The following C1QB variants were observed in gnomAD, a reference collection of about 807,000 sequenced individuals.
C1QB encodes complement C1q B chain.
C1QB carries 2 observed loss-of-function variants against 4.6 expected under a neutral mutation model. The ratio of observed to expected loss-of-function variants is 0.43; its 90% CI spans 0.18 to 1.36. C1QB has a LOEUF of 1.36. C1QB is among the 40% of genes most tolerant of loss of function. C1QB has a pLI of 0.28. For missense variants in C1QB, 292 were observed against 338.0 expected (o/e 0.86, Z 1.07); for synonymous variants, 132 against 137.1 (o/e 0.96, Z 0.26).
intron 1 of C1QB, among the ~76,000 whole-genome samples, chr1:22,659,213 G>A (rs1642579591): frequency 7.0e-6 from 1 of 143,238 alleles, no homozygotes; most frequent in African/African-American, 2.6e-5. Flanking sequence ...GAGGGATAGA[G>A]AGATGGATGG....
intron 1 of C1QB, among the ~76,000 whole-genome samples, chr1:22,656,973 C>A (rs565467441): frequency 2.0e-5 from 3 of 152,174 alleles, no homozygotes; most frequent in Admixed American, 2.0e-4. Flanking sequence ...AGGGAAGAGG[C>A]GTGCCACTGT....
At chr1:22,659,383 G>A (rs569351014) in intron 1 of C1QB, 57 bp from the exon 2 acceptor site, 1 of 1,470,924 alleles carries the variant, frequency 6.8e-7, no homozygotes, top group Non-Finnish European at 9.5e-7. Context: ...TGGATGGATG[G>A]ATGGATGGAT....
intron 2 of C1QB, among the ~76,000 whole-genome samples, chr1:22,660,587 C>T (rs1304468641): frequency 6.6e-6 from 1 of 152,114 alleles, no homozygotes; most frequent in Non-Finnish European, 1.5e-5. Flanking sequence ...TAGCAAGGAG[C>T]CATTCCCCTC....
chr1:22,659,161 G>A (rs1642577608), intron 1 of C1QB, among the ~76,000 whole-genome samples: 1 of 145,508 alleles, frequency 6.9e-6, no homozygotes, highest in African/African-American at 2.6e-5. Context: ...TGCAGATAGA[G>A]GGATAGAGAG....
intron 1 of C1QB, among the ~76,000 whole-genome samples, chr1:22,658,448 C>T (rs1225452808): frequency 6.6e-6 from 1 of 152,234 alleles, no homozygotes; most frequent in Non-Finnish European, 1.5e-5. Context: ...CACCTCCCAC[C>T]TCCAGCCCAG....
In C1QB at chr1:22,660,880, C is replaced by T. The variant is rs773232242; in HGVS notation, c.250C>T (p.Pro84Ser). 15 of 1,613,628 alleles carry T rather than the reference C, an allele frequency of 9.3e-6. No homozygotes were observed. The South Asian group carries it at 1.3e-4, about 14-fold the overall frequency. ...EKGDPGIPGN[P>S]GKVGPKGPMG... ...GGGAGACCCAGGGATTCCTGGGAAT[C>T]CAGGAAAAGTCGGCCCCAAGGGCCC... Residue 84 changes from proline to serine, a missense_variant, in exon 3 of 3, where the codon CCA (proline) becomes TCA (serine). Physicochemically the swap from Pro to Ser is moderately conservative, Grantham distance 74. Coordinates refer to ENST00000509305, the MANE Select transcript of C1QB (RefSeq NM_001378156.1).
intron 1 of C1QB, among the ~76,000 whole-genome samples, chr1:22,654,616 C>T (rs1557610191): frequency 6.6e-6 from 1 of 152,158 alleles, no homozygotes; most frequent in Admixed American, 6.5e-5. Context: ...CTCGCACATA[C>T]CCTATGAGGG....
At chr1:22,654,980 G>C (rs957728124) in intron 1 of C1QB, among the ~76,000 whole-genome samples, 5 of 152,152 alleles carry the variant, frequency 3.3e-5, no homozygotes, top group African/African-American at 1.2e-4. Context: ...AAGATCCAGT[G>C]GATGTGGGTT....
intron 1 of C1QB, among the ~76,000 whole-genome samples, chr1:22,658,171 C>T (rs1302166023): frequency 6.6e-6 from 1 of 152,198 alleles, no homozygotes; most frequent in African/African-American, 2.4e-5. Context: ...AATAAAACCC[C>T]AAACTCATAG....
chr1:22,658,914 CAGGGATGGAGGGGTAGAGAGATGGAT>C (rs1642568017), intron 1 of C1QB, among the ~76,000 whole-genome samples: 1 of 65,652 alleles, frequency 1.5e-5, no homozygotes, highest in Admixed American at 1.8e-4. Flanking sequence ...TGGATGGATG[CAGGGATGGAGGGGTAGAGAGATGGAT>C]GGATGGATGG....
At chr1:22,660,182 C>T (rs1642599749) in intron 2 of C1QB, among the ~76,000 whole-genome samples, 1 of 152,178 alleles carries the variant, frequency 6.6e-6, no homozygotes, top group South Asian at 2.1e-4. Context: ...CTTACAATCC[C>T]ACAAAATATC....
chr1:22,660,594 C>T (rs1049653867), intron 2 of C1QB, among the ~76,000 whole-genome samples: 2 of 152,110 alleles, frequency 1.3e-5, no homozygotes, highest in African/African-American at 4.8e-5. Context: ...GAGCCATTCC[C>T]CTCCCCACGA....
In C1QB at chr1:22,661,349, T is replaced by A; in HGVS notation, c.719T>A (p.Phe240Tyr). 1 of 1,613,938 alleles carries A rather than the reference T, an allele frequency of 6.2e-7. No individual in the cohort carries two copies. The highest frequency in any genetic ancestry group is 8.5e-7 in the Non-Finnish European group (1 of 1,180,000). ...GGCATGGAGGGTGCCAACAGCATCTTTTCCGGGTTCCTGCTCTTTCCAGAT... is the reference window on the plus strand; with the variant it reads ...GGCATGGAGGGTGCCAACAGCATCTATTCCGGGTTCCTGCTCTTTCCAGAT... ...LLGMEGANSI[F>Y]SGFLLFPDME... The change falls in exon 3 of 3, where the codon TTT becomes TAT. Residue 240 changes from phenylalanine (F) to tyrosine (Y), a missense_variant. Physicochemically the swap from Phe to Tyr is conservative, Grantham distance 22. Coordinates refer to ENST00000509305, the MANE Select transcript of C1QB (RefSeq NM_001378156.1).
At chr1:22,659,141 A>AATGGATGG (rs1642576423) in intron 1 of C1QB, among the ~76,000 whole-genome samples, 1 of 130,152 alleles carries the variant, frequency 7.7e-6, no homozygotes, top group Non-Finnish European at 1.6e-5. Context: ...TGGATGGATG[A>AATGGATGG]ATGGATGGAT....
Position 22,660,755 on chromosome 1 carries a change from G to A in C1QB, c.182-57G>A, listed in dbSNP as rs553868516. On this transcript the variant is annotated intron_variant, in intron 2 of 2. Transcript: ENST00000509305. ...GCAGGGCCCTGCCCAAGGTTCCAGC[G>A]CAGGCCTCCTTCTTTTGGTCTCAGT... The A allele has an allele frequency of 3.0e-5, 47 of 1,567,628 alleles. No homozygotes were observed. In the Admixed American group the frequency reaches 3.3e-4, roughly 11 times the overall value.
At position 22,660,867 on chromosome 1, in the gene C1QB, G is replaced by C; in HGVS notation, c.237G>C (p.Gly79=). ...HGEFGEKGDP[G]IPGNPGKVGP... Reference sequence around the variant, plus strand: ...AGTTCGGAGAGAAGGGAGACCCAGGGATTCCTGGGAATCCAGGAAAAGTCG... The same window carrying C: ...AGTTCGGAGAGAAGGGAGACCCAGGCATTCCTGGGAATCCAGGAAAAGTCG... Residue 79 remains glycine (G), a synonymous_variant, in exon 3 of 3, where the codon GGG becomes GGC. Coordinates refer to ENST00000509305, the MANE Select transcript of C1QB (RefSeq NM_001378156.1). 1.2e-6 allele frequency: 2 copies of C among 1,613,840 alleles called. No homozygotes were observed. Among genetic ancestry groups the C allele is most frequent in the Non-Finnish European group, 1.7e-6 (2 of 1,179,942 alleles).
At chr1:22,655,790 C>T (rs291983) in intron 1 of C1QB, among the ~76,000 whole-genome samples, 6,437 of 152,176 alleles carry the variant, frequency 0.042, 458 homozygotes, top group African/African-American at 0.15. Flanking sequence ...TCCCTGTGGC[C>T]ACTCTGGGAA....
In C1QB at chr1:22,660,969, C is replaced by T; in HGVS notation, c.339C>T (p.Asp113=). The stretch of plus-strand genomic sequence containing the variant: ...CAGGCCCCAAAGGTGAATCGGGAGA[C>T]TACAAGGCCACCCAGAAAATCGCCT... The part of the protein sequence containing the change: ...GAPGPKGESG[D]YKATQKIAFS... Residue 113 remains aspartate, a synonymous_variant, in exon 3 of 3, where the codon GAC becomes GAT. Transcript: ENST00000509305. 1 of 1,614,014 alleles carries T rather than the reference C, an allele frequency of 6.2e-7. No homozygotes were observed. The highest frequency in any genetic ancestry group is 1.1e-5 in the South Asian group (1 of 91,076).
chr1:22,659,642 A>G lies in C1QB; in HGVS notation c.180A>G (p.Lys60=), dbSNP rs1161215487. 1 of 1,611,442 alleles carries G rather than the reference A, an allele frequency of 6.2e-7. No individual in the cohort carries two copies. Among genetic ancestry groups the G allele is most frequent in the Non-Finnish European group, 8.5e-7 (1 of 1,178,742 alleles). Residue 60 remains lysine, a splice_region_variant and synonymous_variant, in exon 2 of 3, where the codon AAA becomes AAG. Coordinates refer to ENST00000509305, the MANE Select transcript of C1QB (RefSeq NM_001378156.1). Reference sequence around the variant, plus strand: ...GGACCCCAGGGATAAAAGGAGAGAAAGGTACCATGGGATTTAGCAGGACAC... The same window carrying G: ...GGACCCCAGGGATAAAAGGAGAGAAGGGTACCATGGGATTTAGCAGGACAC... ...QPGTPGIKGE[K]GLPGLAGDHG... is the part of the protein sequence containing the mutation.
Sources: gnomAD v4.1 joint callset for allele counts (sites outside exome capture counted in the v4.1 genomes callset) on GRCh38, gnomAD v4.1.1 for gene constraint, MANE v1.5 for transcripts, NCBI Gene and HGNC (gene_info 2026-07-23, HGNC 2026-07-21) for gene names.